Variants in PPP1R12A observed in about 807,000 individuals in gnomAD.
PPP1R12A encodes the protein myosin binding subunit.
A neutral mutation model predicts 139.6 loss-of-function variants in PPP1R12A; 19 were observed. The ratio of observed to expected loss-of-function variants is 0.14; its 90% confidence interval spans 0.09 to 0.20. The LOEUF (loss-of-function observed/expected upper bound fraction) is 0.20, where lower values mean the gene tolerates loss of function less well. Among genes scored for constraint, PPP1R12A ranks in the 10% least tolerant of loss-of-function variants. PPP1R12A has a pLI of 1.00. For missense variants in PPP1R12A, 925 were observed against 1,211.5 expected, an observed-to-expected ratio of 0.76 and a Z score of 3.51; for synonymous variants, 427 against 420.6, an observed-to-expected ratio of 1.02 and a Z score of -0.19.
rs17301388 is a variant in PPP1R12A at position 79,877,865 on chromosome 12, C to T, written c.238-4927G>A. Among the ~76,000 whole-genome samples, 1,028 of 152,148 alleles carry T rather than the reference C, an allele frequency of 6.8e-3. 7 individuals carry two copies. Among genetic ancestry groups the T allele is most frequent in the Middle Eastern group, 0.024 (7 of 294 alleles). On this transcript the variant is annotated intron_variant, in intron 1 of 24. Transcript: ENST00000450142. ...TTTTTTTCTCAACCTCTTTTAAATCCCATAGGCTCCAAAACTGTATCCTGA... is the reference window on the plus strand; with the variant it reads ...TTTTTTTCTCAACCTCTTTTAAATCTCATAGGCTCCAAAACTGTATCCTGA...
At chr12:79,831,463 G>T (rs1051627227) in intron 4 of PPP1R12A, among the ~76,000 whole-genome samples, 1 of 152,062 alleles carries the variant, frequency 6.6e-6, no homozygotes, top group Non-Finnish European at 1.5e-5. Flanking sequence ...CATGCTTGTA[G>T]TCCCAGCTAC....
intron 1 of PPP1R12A, among the ~76,000 whole-genome samples, chr12:79,898,392 G>A (rs567695242): frequency 2.0e-5 from 3 of 152,300 alleles, no homozygotes; most frequent in African/African-American, 7.2e-5. Flanking sequence ...GGACGTGGAG[G>A]TTGCAGTGAG....
chr12:79,794,122 A>C (rs1244398417), intron 18 of PPP1R12A, among the ~76,000 whole-genome samples, 194 bp from the exon 19 acceptor site: 2 of 152,046 alleles, frequency 1.3e-5, no homozygotes, highest in African/African-American at 4.8e-5. Flanking sequence ...AGCTGAAAAA[A>C]TGAATACTGG....
At chr12:79,904,995 C>T (rs552303101) in intron 1 of PPP1R12A, among the ~76,000 whole-genome samples, 101 of 152,268 alleles carry the variant, frequency 6.6e-4, no homozygotes, top group African/African-American at 1.9e-3. Context: ...TAGTGAAATT[C>T]GTGTCTGAAA....
chr12:79,877,809 C>G (rs1005827430), intron 1 of PPP1R12A, among the ~76,000 whole-genome samples: 1 of 152,182 alleles, frequency 6.6e-6, no homozygotes, highest in Admixed American at 6.6e-5. Context: ...AGCCACCACA[C>G]CCGGCTGATA....
At chr12:79,863,599 C>T (rs1423692209) in intron 2 of PPP1R12A, among the ~76,000 whole-genome samples, 1 of 120,812 alleles carries the variant, frequency 8.3e-6, no homozygotes, top group Non-Finnish European at 1.6e-5. Context: ...CACATATAGG[C>T]TCAAAATAGA....
At chr12:79,926,617 A>G (rs1289282558) in intron 1 of PPP1R12A, among the ~76,000 whole-genome samples, 2 of 152,192 alleles carry the variant, frequency 1.3e-5, no homozygotes, top group Non-Finnish European at 2.9e-5. Context: ...CACTTACCCA[A>G]TTATTTAATA....
At chr12:79,920,267 G>A (rs1365237625) in intron 1 of PPP1R12A, among the ~76,000 whole-genome samples, 1 of 152,182 alleles carries the variant, frequency 6.6e-6, no homozygotes, top group Admixed American at 6.5e-5. Context: ...TTCATCAGCT[G>A]ATAAGACATT....
At chr12:79,793,233 C>A (rs570957777) in intron 19 of PPP1R12A, among the ~76,000 whole-genome samples, 1 of 152,078 alleles carries the variant, frequency 6.6e-6, no homozygotes, top group Non-Finnish European at 1.5e-5. Context: ...GGAAGGGGGT[C>A]GGGGGAACTT....
chr12:79,891,992 C>T (rs1318107656), intron 1 of PPP1R12A, among the ~76,000 whole-genome samples: 1 of 152,206 alleles, frequency 6.6e-6, no homozygotes, highest in Non-Finnish European at 1.5e-5. Flanking sequence ...ATATCCATTC[C>T]TGACCCACAG....
intron 2 of PPP1R12A, among the ~76,000 whole-genome samples, chr12:79,868,843 A>G (rs1882267340): frequency 6.6e-6 from 1 of 151,942 alleles, no homozygotes; most frequent in African/African-American, 2.4e-5. Context: ...CCCCAAAGGA[A>G]AAGAATGATG....
chr12:79,929,611 C>CA (rs905913736), intron 1 of PPP1R12A, among the ~76,000 whole-genome samples: 2 of 151,310 alleles, frequency 1.3e-5, no homozygotes, highest in African/African-American at 2.4e-5. Context: ...ACCAAAAATA[C>CA]AAAAAAAATT....
At chr12:79,826,873 G>C (rs1876846560) in intron 5 of PPP1R12A, among the ~76,000 whole-genome samples, 1 of 152,096 alleles carries the variant, frequency 6.6e-6, no homozygotes, top group Admixed American at 6.6e-5. Flanking sequence ...TTCTCATCCG[G>C]AGGCTACTGT....
chr12:79,850,238 G>A lies in PPP1R12A; in HGVS notation c.369-4818C>T, dbSNP rs571454776. Among the ~76,000 whole-genome samples the A allele has an allele frequency of 1.3e-5, 2 of 152,278 alleles. 1 individual carries two copies. Among genetic ancestry groups the A allele is most frequent in the African/African-American group, 4.8e-5 (2 of 41,560 alleles). On this transcript the variant is annotated intron_variant, in intron 2 of 24. Transcript: ENST00000450142. The stretch of plus-strand genomic sequence containing the variant: ...ATAAATGAGTAAGCTTCCAAATCAA[G>A]ACATGATCCAAAAGGATTTTTACAA...
intron 1 of PPP1R12A, among the ~76,000 whole-genome samples, chr12:79,919,688 T>G (rs1887290755): frequency 6.6e-6 from 1 of 152,178 alleles, no homozygotes; most frequent in Admixed American, 6.5e-5. Flanking sequence ...GTATTATCTA[T>G]ACACTCCAGT....
intron 9 of PPP1R12A, among the ~76,000 whole-genome samples, chr12:79,814,786 G>A (rs1326098303): frequency 8.7e-6 from 1 of 114,874 alleles, no homozygotes; most frequent in African/African-American, 3.4e-5. Context: ...CTGCACCCCA[G>A]CCTGGGTGAC....
intron 22 of PPP1R12A, among the ~76,000 whole-genome samples, chr12:79,785,289 G>A (rs367706217): frequency 2.0e-4 from 31 of 152,158 alleles, no homozygotes; most frequent in East Asian, 1.3e-3. Flanking sequence ...AATTTGAGGA[G>A]TGGTGAGGTT....
At chr12:79,809,401 A>AT (rs968146386) in intron 10 of PPP1R12A, among the ~76,000 whole-genome samples, 20 of 151,914 alleles carry the variant, frequency 1.3e-4, no homozygotes, top group African/African-American at 4.8e-4. Context: ...AAAATCTGGT[A>AT]TTTTTTTTCA....
intron 19 of PPP1R12A, among the ~76,000 whole-genome samples, chr12:79,791,862 A>G (rs1450828174): frequency 1.3e-5 from 2 of 152,152 alleles, no homozygotes; most frequent in South Asian, 2.1e-4. Context: ...TTCTGTTTCT[A>G]TGATACCCAA....
Sources: gnomAD v4.1 joint callset for allele counts (sites outside exome capture counted in the v4.1 genomes callset) on GRCh38, gnomAD v4.1.1 for gene constraint, MANE v1.5 for transcripts, NCBI Gene and HGNC (gene_info 2026-07-23, HGNC 2026-07-21) for gene names.